PRDM15: variants seen among roughly 807,000 people sequenced by gnomAD.
PRDM15 encodes the protein PR/SET domain 15.
Under a neutral mutation model 128.6 loss-of-function variants are expected in PRDM15, and 64 were observed. The observed-to-expected ratio is 0.50, with a 90% CI of 0.41 to 0.61. PRDM15 has a LOEUF of 0.61. PRDM15 is among the 20% of genes least tolerant of loss of function. PRDM15 has a pLI of 0.00. For missense variants in PRDM15, 1,242 were observed against 1,569.1 expected (o/e 0.79, Z 3.52); for synonymous variants, 615 against 621.8 (o/e 0.99, Z 0.16).
At chr21:41,808,171 C>T (rs972681402) in intron 21 of PRDM15, among the ~76,000 whole-genome samples, 6 of 152,230 alleles carry the variant, frequency 3.9e-5, no homozygotes, top group Non-Finnish European at 7.3e-5. Context: ...GCCTTGCTCA[C>T]GGGCTGCTGG....
At chr21:41,820,503 G>A (rs1200974029) in intron 16 of PRDM15, among the ~76,000 whole-genome samples, 4 of 152,200 alleles carry the variant, frequency 2.6e-5, no homozygotes, top group Admixed American at 2.0e-4. Context: ...GCACAGACAC[G>A]CACAGTGGAA....
At chr21:41,878,911 C>T in intron 1 of PRDM15, 1 of 955,320 alleles carries the variant, frequency 1.0e-6, no homozygotes, top group Non-Finnish European at 1.2e-6. Context: ...CGGCCCCGCG[C>T]TGGGCCTGGC....
rs548700974 is a variant in PRDM15 at position 41,811,104 on chromosome 21, C to T, written c.2393-268G>A. 4 of 452,538 alleles carry T rather than the reference C, an allele frequency of 8.8e-6. No homozygotes were observed. The South Asian group carries it at 1.1e-4, about 13-fold the overall frequency. 28.0% of individuals were successfully genotyped at this position (452,538 alleles called of 1,614,324 possible). On this transcript the variant is annotated intron_variant, in intron 19 of 23. Transcript: ENST00000398548. The surrounding 1 kb of genome is among the most constrained non-coding windows in gnomAD (Gnocchi z 4.1). ...TGAAAACACAGACAGAAAGTGGAACCCACATGTGGACAAGCAGAAAAACGA... is the reference window on the plus strand; with the variant it reads ...TGAAAACACAGACAGAAAGTGGAACTCACATGTGGACAAGCAGAAAAACGA...
chr21:41,804,665 G>T, intron 21 of PRDM15, 51 bp from the exon 22 acceptor site: 1 of 1,434,232 alleles, frequency 7.0e-7, no homozygotes, highest in Non-Finnish European at 9.3e-7. Context: ...GCTGATGCAG[G>T]TGGGAACCCA....
Position 41,804,394 on chromosome 21 carries a change from G to C in PRDM15, c.2733+140C>G. On this transcript the variant is annotated intron_variant, in intron 22 of 23. Transcript: ENST00000398548. ...GATCTAAGAGGTTCTGAGGGGAAGA[G>C]AAGCCAAGAAAACAGGGTAACCTGG... The C allele has an allele frequency of 2.0e-5, 13 of 652,096 alleles. No homozygotes were observed. In the South Asian group the frequency reaches 2.4e-4, roughly 12 times the overall value. 40.4% of individuals were successfully genotyped at this position (652,096 alleles called of 1,614,324 possible). A position where few individuals can be genotyped will look rare whatever the true frequency, so the allele number is the denominator to read the frequency against.
At chr21:41,823,126 G>A (rs1451923645) in intron 14 of PRDM15, 192 bp downstream of exon 14, 17 of 697,426 alleles carry the variant, frequency 2.4e-5, no homozygotes, top group South Asian at 1.4e-4. Context: ...CGCCGTCTAC[G>A]AACCAGGAAG....
intron 22 of PRDM15, 116 bp downstream of exon 22, chr21:41,804,418 G>A (rs918819478): frequency 4.0e-6 from 3 of 756,748 alleles, no homozygotes; most frequent in Admixed American, 2.4e-5. Flanking sequence ...AGGGTAACCT[G>A]GCCACAGGCT....
chr21:41,879,273 C>T lies in PRDM15; in HGVS notation c.-13G>A, dbSNP rs766973792. ...GGCGCAGGGCCCGGAGCTTTACCTG[C>T]CTTTGGAATGTGCAGAGCGGGATCG... is the stretch of plus-strand genomic sequence containing the variant. On this transcript the variant is annotated 5_prime_UTR_variant, in exon 1 of 24. Transcript: ENST00000398548. This position sits in a 1 kb window ranked among gnomAD's most constrained non-coding sequence, Gnocchi z 5.1. The T allele has an allele frequency of 1.8e-5, 19 of 1,049,650 alleles. No individual in the cohort carries two copies. In the Admixed American group the frequency reaches 8.2e-4, roughly 45 times the overall value. The allele number at this position is 1,049,650 out of a possible 1,614,324, so 65.0% of individuals were successfully genotyped here.
intron 10 of PRDM15, 138 bp from the exon 11 acceptor site, chr21:41,835,662 G>A (rs914935437): frequency 3.0e-6 from 2 of 656,500 alleles, no homozygotes; most frequent in East Asian, 5.5e-5. Context: ...GCTCTATTTA[G>A]GAACACAAAG....
intron 1 of PRDM15, among the ~76,000 whole-genome samples, chr21:41,863,734 C>G (rs1357809576): frequency 6.6e-6 from 1 of 152,110 alleles, no homozygotes; most frequent in African/African-American, 2.4e-5. Flanking sequence ...TGACTTCAAA[C>G]TTAATTATCA....
chr21:41,861,791 G>C, intron 1 of PRDM15: 1 of 1,602,774 alleles, frequency 6.2e-7, no homozygotes, highest in Non-Finnish European at 8.5e-7. Context: ...AGTTAGGAGA[G>C]TGAGTTAGCT....
chr21:41,838,946 G>C (rs2062983569), intron 7 of PRDM15, among the ~76,000 whole-genome samples: 2 of 152,270 alleles, frequency 1.3e-5, no homozygotes, highest in Non-Finnish European at 2.9e-5. Flanking sequence ...GAAGGGGCCA[G>C]TGGCTGAGCA....
intron 10 of PRDM15, among the ~76,000 whole-genome samples, 194 bp downstream of exon 10, chr21:41,835,919 C>T (rs796142007): frequency 1.3e-5 from 1 of 74,354 alleles, no homozygotes; most frequent in African/African-American, 5.4e-5. Flanking sequence ...GCCCACTCTC[C>T]TCCCTCCCCC....
chr21:41,869,016 AG>A (rs1339136333), intron 1 of PRDM15, among the ~76,000 whole-genome samples: 1 of 151,962 alleles, frequency 6.6e-6, no homozygotes, highest in Non-Finnish European at 1.5e-5. Flanking sequence ...TTGGACTGAC[AG>A]GGTTATTTTA....
chr21:41,815,332 G>A (rs1018174967), intron 19 of PRDM15, among the ~76,000 whole-genome samples: 18 of 152,302 alleles, frequency 1.2e-4, no homozygotes, highest in Middle Eastern at 3.4e-3. Context: ...ACCTTCCAGC[G>A]CCTTCCCTAA....
At chr21:41,864,656 A>C (rs1006996901) in intron 1 of PRDM15, among the ~76,000 whole-genome samples, 1 of 151,532 alleles carries the variant, frequency 6.6e-6, no homozygotes, top group African/African-American at 2.4e-5. Flanking sequence ...GCCACATCCC[A>C]CTTTCTCCCA....
chr21:41,822,164 G>C, intron 14 of PRDM15, 127 bp from the exon 15 acceptor site: 1 of 1,275,996 alleles, frequency 7.8e-7, no homozygotes, highest in African/African-American at 1.5e-5. Context: ...TGCCCGTGGC[G>C]CCCTAACGAG....
chr21:41,801,710 G>C lies in PRDM15; in HGVS notation c.2956C>G (p.Leu986Val). 6.2e-7 allele frequency: 1 copy of C among 1,612,264 alleles called. No homozygotes were observed. Among genetic ancestry groups the C allele is most frequent in the East Asian group, 2.2e-5 (1 of 44,820 alleles). Residue 986 changes from leucine (L) to valine (V), a missense_variant, in exon 24 of 24, where the codon CTG (leucine) becomes GTG (valine). Physicochemically the swap from Leu to Val is conservative, Grantham distance 32. Transcript: ENST00000398548. The part of the protein sequence containing the change: ...VQSIQQVVVT[L>V]GDPNVTTPSS... Reference sequence around the variant, plus strand: ...GGTGTGGTCACATTTGGGTCACCCAGGGTCACCACTACCTGGAAGATTCAC... The same window carrying C: ...GGTGTGGTCACATTTGGGTCACCCACGGTCACCACTACCTGGAAGATTCAC...
At chr21:41,858,954 C>T in intron 3 of PRDM15, 1 of 1,179,570 alleles carries the variant, frequency 8.5e-7, no homozygotes, top group East Asian at 2.6e-5. Flanking sequence ...CCCACAACAC[C>T]ACAACCACCC....
Sources: gnomAD v4.1 joint callset for allele counts (sites outside exome capture counted in the v4.1 genomes callset) on GRCh38, gnomAD v4.1.1 for gene constraint, Gnocchi (gnomAD v3.1) non-coding constraint, MANE v1.5 for transcripts, NCBI Gene and HGNC (gene_info 2026-07-23, HGNC 2026-07-21) for gene names.